UVRAG: variants seen among roughly 807,000 people sequenced by gnomAD.
UVRAG encodes UV radiation resistance associated, also known as UV radiation resistance-associated gene protein.
In UVRAG, 19 loss-of-function variants were observed where a neutral mutation model predicts 78.0. That is an observed-to-expected ratio of 0.24 (90% CI 0.17 to 0.36). The LOEUF is 0.36. Ranked by LOEUF, UVRAG falls within the 10% of genes least tolerant of loss-of-function variation. The probability of loss-of-function intolerance (pLI) is 1.00; values close to 1 mark genes in which losing one functional copy is unlikely to be tolerated. For missense variants in UVRAG, 740 were observed against 853.8 expected (o/e 0.87, Z 1.66); for synonymous variants, 323 against 324.6 (o/e 1.00, Z 0.05).
intron 14 of UVRAG, among the ~76,000 whole-genome samples, chr11:76,122,777 C>A (rs1443013962): frequency 1.3e-5 from 2 of 152,108 alleles, no homozygotes; most frequent in African/African-American, 2.4e-5. Flanking sequence ...CACTCTGAGG[C>A]CTTAGAGATA....
rs115584122 is a variant in UVRAG, at chr11:76,068,727, C to T, written c.1305+2939C>T. Among the ~76,000 whole-genome samples the T allele has an allele frequency of 4.5e-3, 683 of 152,264 alleles. 5 individuals are homozygous for T. The highest frequency in any genetic ancestry group is 0.016 in the African/African-American group (647 of 41,540). The stretch of plus-strand genomic sequence containing the variant: ...TGACCTTACTGCCATCACTTTTTCA[C>T]GTTTTGATTTGTAACAAATGAAAGA... On this transcript the variant is annotated intron_variant, in intron 13 of 14. Coordinates refer to ENST00000356136, the MANE Select transcript of UVRAG (RefSeq NM_003369.4).
At chr11:75,903,823 T>A (rs1409521364) in intron 5 of UVRAG, among the ~76,000 whole-genome samples, 1 of 152,238 alleles carries the variant, frequency 6.6e-6, no homozygotes, top group Admixed American at 6.5e-5. Context: ...CTGAAAGGAA[T>A]AAGTATATGT....
intron 12 of UVRAG, among the ~76,000 whole-genome samples, chr11:76,044,204 G>A (rs1248492308): frequency 2.0e-5 from 3 of 152,206 alleles, no homozygotes; most frequent in Non-Finnish European, 2.9e-5. Flanking sequence ...TCTGTAGGAG[G>A]TTGAGAAATG....
chr11:75,989,939 T>C (rs1174667602), intron 8 of UVRAG, among the ~76,000 whole-genome samples: 1 of 152,226 alleles, frequency 6.6e-6, no homozygotes, highest in Non-Finnish European at 1.5e-5. Context: ...ACATGAATTA[T>C]TTAACCTTAT....
intron 6 of UVRAG, among the ~76,000 whole-genome samples, chr11:75,920,026 T>G (rs1591018517): frequency 1.9e-5 from 2 of 107,750 alleles, no homozygotes; most frequent in Non-Finnish European, 3.7e-5. Context: ...TTTTTTTTTT[T>G]TTTTTTTTTT....
chr11:76,088,839 TA>T (rs1440770510), intron 13 of UVRAG, among the ~76,000 whole-genome samples: 1 of 152,224 alleles, frequency 6.6e-6, no homozygotes, highest in East Asian at 1.9e-4. Context: ...CACCTTGTTT[TA>T]AAAAACAAGT....
chr11:76,130,043 C>A (rs1463451273), intron 14 of UVRAG, among the ~76,000 whole-genome samples: 1 of 152,132 alleles, frequency 6.6e-6, no homozygotes, highest in Non-Finnish European at 1.5e-5. Flanking sequence ...GTTTTATCTT[C>A]TACCATAGAA....
At chr11:75,824,668 C>CT (rs1945470755) in intron 1 of UVRAG, among the ~76,000 whole-genome samples, 1 of 137,094 alleles carries the variant, frequency 7.3e-6, no homozygotes, top group African/African-American at 2.9e-5. Context: ...AGAAGTTTGT[C>CT]ATTTTTTTTT....
At chr11:75,995,980 T>G (rs1193861391) in intron 8 of UVRAG, among the ~76,000 whole-genome samples, 1 of 152,102 alleles carries the variant, frequency 6.6e-6, no homozygotes, top group Non-Finnish European at 1.5e-5. Flanking sequence ...GCCAGACAAC[T>G]TGTGGCAGGG....
chr11:75,972,433 GCACT>G (rs930421856), intron 7 of UVRAG, among the ~76,000 whole-genome samples: 30 of 152,108 alleles, frequency 2.0e-4, no homozygotes, highest in African/African-American at 7.0e-4. Flanking sequence ...AGTCCCTCTC[GCACT>G]CACTCTGTTT....
At chr11:75,974,415 G>A (rs1447739574) in intron 7 of UVRAG, among the ~76,000 whole-genome samples, 24 of 142,324 alleles carry the variant, frequency 1.7e-4, no homozygotes, top group Non-Finnish European at 2.4e-4. Context: ...GCCGGACTGC[G>A]GACTGCAGTG....
At chr11:75,978,149 A>G (rs969525448) in intron 7 of UVRAG, among the ~76,000 whole-genome samples, 1 of 152,150 alleles carries the variant, frequency 6.6e-6, no homozygotes, top group Non-Finnish European at 1.5e-5. Flanking sequence ...GCTGGATATG[A>G]AATTCCGGGT....
intron 11 of UVRAG, chr11:76,012,986 A>T (rs1304758256): frequency 1.3e-5 from 2 of 152,104 alleles, no homozygotes; most frequent in Non-Finnish European, 2.9e-5. Flanking sequence ...AGAACATGGA[A>T]TGATTCCATA....
chr11:76,013,535 A>G (rs1167720740), intron 11 of UVRAG, among the ~76,000 whole-genome samples: 2 of 152,212 alleles, frequency 1.3e-5, no homozygotes, highest in Admixed American at 6.5e-5. Context: ...GACGTCATTA[A>G]TGCTTACTGG....
At chr11:75,824,394 T>G (rs556608726) in intron 1 of UVRAG, among the ~76,000 whole-genome samples, 107 of 101,248 alleles carry the variant, frequency 1.1e-3, no homozygotes, top group Non-Finnish European at 9.1e-4. Context: ...TGAAAATGAG[T>G]TTTTTTTTTT....
intron 8 of UVRAG, among the ~76,000 whole-genome samples, chr11:75,985,587 T>C (rs1173400204): frequency 6.6e-6 from 1 of 152,172 alleles, no homozygotes; most frequent in Non-Finnish European, 1.5e-5. Context: ...TTGTGACTAC[T>C]TGGAGAAATA....
At chr11:75,872,870 A>G (rs1333335732) in intron 3 of UVRAG, among the ~76,000 whole-genome samples, 1 of 152,244 alleles carries the variant, frequency 6.6e-6, no homozygotes, top group Non-Finnish European at 1.5e-5. Flanking sequence ...GTAAGAATAT[A>G]TAGTCAAATT....
intron 6 of UVRAG, among the ~76,000 whole-genome samples, chr11:75,941,872 A>G (rs778313203): frequency 5.9e-5 from 9 of 152,108 alleles, no homozygotes; most frequent in Non-Finnish European, 1.3e-4. Flanking sequence ...CATAAGCCTG[A>G]AAGTACAGAA....
intron 12 of UVRAG, among the ~76,000 whole-genome samples, chr11:76,029,378 A>G (rs564196728): frequency 1.3e-5 from 2 of 152,184 alleles, no homozygotes; most frequent in South Asian, 2.1e-4. Flanking sequence ...ATCACATTTC[A>G]TAAGACTGTA....
Sources: gnomAD v4.1 joint callset for allele counts (sites outside exome capture counted in the v4.1 genomes callset) on GRCh38, gnomAD v4.1.1 for gene constraint, MANE v1.5 for transcripts, NCBI Gene and HGNC (gene_info 2026-07-23, HGNC 2026-07-21) for gene names.